Variants in KLF8 observed in about 807,000 individuals in gnomAD.
KLF8 encodes the protein Krueppel-like factor 8.
In KLF8, 10 loss-of-function variants were observed where a neutral mutation model predicts 18.2. The observed-to-expected ratio is 0.55, with a 90% CI of 0.34 to 0.93. The LOEUF (loss-of-function observed/expected upper bound fraction) is 0.93, where lower values mean the gene tolerates loss of function less well. Ranked by LOEUF, KLF8 falls within the 40% of genes least tolerant of loss-of-function variation. KLF8 has a pLI of 0.02. For synonymous variants in KLF8, 109 were observed against 97.3 expected (o/e 1.12, Z -0.71); for missense variants, 264 against 277.9 (o/e 0.95, Z 0.36).
Position 56,287,404 on chromosome X carries a change from A to G in KLF8, c.*2910A>G, listed in dbSNP as rs750850624. ...CCAAAAACACATAAAACTTTGCTAG[A>G]TAGACAGTGAGGTGGAAAGGAACTA... On this transcript the variant is annotated 3_prime_UTR_variant, in exon 6 of 6. Transcript: ENST00000468660. The G allele has an allele frequency of 2.8e-4, 31 of 112,382 alleles. 2 individuals are homozygous for G. The highest frequency in any genetic ancestry group is 1.7e-4 in the Non-Finnish European group (9 of 53,313). The allele number at this position is 112,382 out of a possible 1,213,427, so 9.3% of individuals were successfully genotyped here. A position where few individuals can be genotyped will look rare whatever the true frequency, so the allele number is the denominator to read the frequency against.
the KLF8 span, among the ~76,000 whole-genome samples, chrX:56,172,958 C>A: frequency 9.0e-6 from 1 of 110,951 alleles, no homozygotes; most frequent in Non-Finnish European, 1.9e-5. Context: ...GGGTGGTTTT[C>A]TTATAAATTT....
At chrX:56,102,153 T>G in the KLF8 span, among the ~76,000 whole-genome samples, 1 of 111,932 alleles carries the variant, frequency 8.9e-6, no homozygotes, top group African/African-American at 3.2e-5. Context: ...GTGTTTATTT[T>G]TAATCTTCTG....
At chrX:56,049,891 T>G in the KLF8 span, among the ~76,000 whole-genome samples, 1 of 107,778 alleles carries the variant, frequency 9.3e-6, no homozygotes, top group Non-Finnish European at 1.9e-5. Flanking sequence ...TGAATCCATC[T>G]GGTCCTGGAC....
At chrX:56,186,421 A>G in the KLF8 span, among the ~76,000 whole-genome samples, 1 of 111,454 alleles carries the variant, frequency 9.0e-6, no homozygotes, top group Non-Finnish European at 1.9e-5. Context: ...CCACACAATA[A>G]TAATGGGAGA....
chrX:56,195,473 A>T, the KLF8 span, among the ~76,000 whole-genome samples: 1 of 112,107 alleles, frequency 8.9e-6, no homozygotes, highest in African/African-American at 3.2e-5. Context: ...GAAGTGGAAG[A>T]AAGGGTATCA....
chrX:55,943,122 T>A, the KLF8 span, among the ~76,000 whole-genome samples: 1 of 110,954 alleles, frequency 9.0e-6, no homozygotes, highest in Admixed American at 9.7e-5. Context: ...TTATTTTTAA[T>A]TTTTGGCATG....
chrX:56,045,279 A>G, the KLF8 span, among the ~76,000 whole-genome samples: 1 of 112,005 alleles, frequency 8.9e-6, no homozygotes, highest in Non-Finnish European at 1.9e-5. Context: ...TACCAGTACC[A>G]TGCTGTTTTG....
At chrX:56,068,033 T>G in the KLF8 span, among the ~76,000 whole-genome samples, 1 of 112,122 alleles carries the variant, frequency 8.9e-6, no homozygotes, top group Non-Finnish European at 1.9e-5. Context: ...ATGCCTGATA[T>G]AGCCTTCAGC....
At chrX:56,141,957 C>G in the KLF8 span, among the ~76,000 whole-genome samples, 2 of 112,068 alleles carry the variant, frequency 1.8e-5, no homozygotes, top group African/African-American at 6.5e-5. Context: ...AAATTGCTCA[C>G]AAATTACACA....
At chrX:55,924,470 A>G in the KLF8 span, among the ~76,000 whole-genome samples, 2 of 110,226 alleles carry the variant, frequency 1.8e-5, no homozygotes, top group African/African-American at 3.3e-5. Flanking sequence ...TTTATTGCCT[A>G]TTTCCCCTTA....
At chrX:56,080,794 C>T in the KLF8 span, among the ~76,000 whole-genome samples, 402 of 111,594 alleles carry the variant, frequency 3.6e-3, 2 homozygotes, top group African/African-American at 0.012. Context: ...GCCAGTCAGA[C>T]GTAGATTTGG....
chrX:56,012,111 G>A, the KLF8 span, among the ~76,000 whole-genome samples: 5 of 111,952 alleles, frequency 4.5e-5, no homozygotes, highest in African/African-American at 1.6e-4. Flanking sequence ...AATGAGGCCA[G>A]CATCATCCTG....
At chrX:56,023,827 G>A in the KLF8 span, among the ~76,000 whole-genome samples, 1,046 of 111,347 alleles carry the variant, frequency 9.4e-3, 11 homozygotes, top group African/African-American at 0.033. Flanking sequence ...CTTTTCAATG[G>A]ATGTAAAGAA....
At chrX:55,966,011 G>A in the KLF8 span, among the ~76,000 whole-genome samples, 1 of 112,082 alleles carries the variant, frequency 8.9e-6, no homozygotes, top group Non-Finnish European at 1.9e-5. Flanking sequence ...ACTCCCCATG[G>A]GCTATTGGTG....
chrX:56,051,388 A>G, the KLF8 span, among the ~76,000 whole-genome samples: 3 of 109,656 alleles, frequency 2.7e-5, no homozygotes, highest in Non-Finnish European at 5.7e-5. Context: ...TTTTGGCATG[A>G]TTTTGCAGCG....
the KLF8 span, among the ~76,000 whole-genome samples, chrX:56,026,986 C>T: frequency 8.9e-6 from 1 of 112,732 alleles, no homozygotes; most frequent in Non-Finnish European, 1.9e-5. Context: ...TGCTGCGCTA[C>T]TGTTTTAGCT....
rs768821062 is a variant in KLF8, at chrX:56,265,283, T to C, written c.185T>C (p.Leu62Pro). ...LDANPMENPA[L>P]FNDIKIEPPE... Reference sequence around the variant, plus strand: ...GCCAACCCCATGGAGAACCCAGCACTGTTTAATGACATCAAGATTGAGCCC... The same window carrying C: ...GCCAACCCCATGGAGAACCCAGCACCGTTTAATGACATCAAGATTGAGCCC... The change falls in exon 3 of 6, where the codon CTG becomes CCG. Residue 62 changes from leucine to proline, a missense_variant. Coordinates refer to ENST00000468660, the MANE Select transcript of KLF8 (RefSeq NM_007250.5). 1 of 1,206,426 alleles carries C rather than the reference T, an allele frequency of 8.3e-7. No homozygotes were observed. The highest frequency in any genetic ancestry group is 1.1e-6 in the Non-Finnish European group (1 of 893,226).
At chrX:55,947,858 G>A in the KLF8 span, among the ~76,000 whole-genome samples, 1 of 111,902 alleles carries the variant, frequency 8.9e-6, no homozygotes, top group African/African-American at 3.2e-5. Context: ...TTTTAAAAAA[G>A]CATTAAGTGT....
the KLF8 span, among the ~76,000 whole-genome samples, chrX:56,179,556 C>T: frequency 8.9e-6 from 1 of 111,929 alleles, no homozygotes; most frequent in African/African-American, 3.2e-5. Flanking sequence ...AGAGGGCATC[C>T]CTGTCTTGTG....
Sources: gnomAD v4.1 joint callset for allele counts (sites outside exome capture counted in the v4.1 genomes callset) on GRCh38, gnomAD v4.1.1 for gene constraint, MANE v1.5 for transcripts, NCBI Gene and HGNC (gene_info 2026-07-23, HGNC 2026-07-21) for gene names.